Variants in USP7 observed in about 807,000 individuals in gnomAD.
USP7 encodes the protein ubiquitin C-terminal hydrolase 7.
In USP7, 9 loss-of-function variants were observed where a neutral mutation model predicts 162.9. That is an observed-to-expected ratio of 0.06 (90% CI 0.03 to 0.10). The LOEUF (loss-of-function observed/expected upper bound fraction) is 0.10. Among genes scored for constraint, USP7 ranks in the 10% least tolerant of loss-of-function variants. The pLI is 1.00. For synonymous variants in USP7, 562 were observed against 475.9 expected, an observed-to-expected ratio of 1.18 and a Z score of -2.35; for missense variants, 715 against 1,373.7, an observed-to-expected ratio of 0.52 and a Z score of 7.58.
intron 8 of USP7, 119 bp from the exon 9 acceptor site, chr16:8,915,644 C>T: frequency 2.3e-6 from 2 of 883,070 alleles, no homozygotes; most frequent in Non-Finnish European, 3.4e-6. Flanking sequence ...AAAAATATGA[C>T]CTCTGGCATG....
chr16:8,923,533 T>C (rs936662724), intron 2 of USP7, 120 bp from the exon 3 acceptor site: 1 of 1,043,134 alleles, frequency 9.6e-7, no homozygotes, highest in Non-Finnish European at 1.4e-6. Flanking sequence ...CCTAACAGTT[T>C]GAAAAAATTG....
At chr16:8,920,177 G>A (rs1400261848) in intron 5 of USP7, among the ~76,000 whole-genome samples, 182 bp downstream of exon 5, 1 of 152,172 alleles carries the variant, frequency 6.6e-6, no homozygotes, top group African/African-American at 2.4e-5. Context: ...CTAACATATA[G>A]AAACTGCTCA....
intron 1 of USP7, among the ~76,000 whole-genome samples, chr16:8,955,575 G>A (rs780208880): frequency 3.3e-5 from 5 of 151,938 alleles, no homozygotes; most frequent in South Asian, 2.1e-4. Context: ...GCATGGCGGC[G>A]CGCCCCTGTA....
intron 1 of USP7, among the ~76,000 whole-genome samples, chr16:8,958,066 T>C (rs760642091): frequency 3.3e-5 from 5 of 152,134 alleles, no homozygotes; most frequent in Non-Finnish European, 5.9e-5. Flanking sequence ...GAAAAAAGTG[T>C]TTCCTGAATG....
chr16:8,931,392 C>T (rs577845887), intron 1 of USP7, among the ~76,000 whole-genome samples: 12 of 152,194 alleles, frequency 7.9e-5, no homozygotes, highest in East Asian at 5.8e-4. Flanking sequence ...TTCACCATGT[C>T]GGTCAACTGG....
chr16:8,913,639 C>T (rs1406610398), intron 10 of USP7, among the ~76,000 whole-genome samples: 1 of 152,048 alleles, frequency 6.6e-6, no homozygotes, highest in South Asian at 2.1e-4. Context: ...TCTCAGCCGA[C>T]CCGCACTAAA....
At position 8,902,485 on chromosome 16, in the gene USP7, G is replaced by A; in HGVS notation, c.1840-3C>T. ...CGAATTTGATCTTGTGGAAATCCCT[G>A]AAAAAAATATTAAGAGTAGATTAAA... is the stretch of plus-strand genomic sequence containing the variant. On this transcript the variant is annotated splice_region_variant and splice_polypyrimidine_tract_variant and intron_variant, in intron 16 of 30. Coordinates refer to ENST00000344836, the MANE Select transcript of USP7 (RefSeq NM_003470.3). 3 of 1,610,538 alleles carry A rather than the reference G, an allele frequency of 1.9e-6. No homozygotes were observed. Among genetic ancestry groups the A allele is most frequent in the Middle Eastern group, 1.7e-4 (1 of 5,994 alleles).
intron 1 of USP7, among the ~76,000 whole-genome samples, chr16:8,938,042 G>T (rs1238182998): frequency 4.6e-5 from 7 of 152,056 alleles, no homozygotes; most frequent in Non-Finnish European, 1.0e-4. Flanking sequence ...CCAGGGTAAG[G>T]CAGGGCAGAA....
chr16:8,963,684 C>G lies in USP7; in HGVS notation c.-399G>C, dbSNP rs1295507946. 1.4e-5 allele frequency among the ~76,000 whole-genome samples: 2 copies of G among 142,234 alleles called. No homozygotes were observed. The highest frequency in any genetic ancestry group is 4.3e-4 in the East Asian group (2 of 4,668). The allele number at this position is 142,234 out of a possible 152,430, so 93.3% of individuals were successfully genotyped here. Reference sequence around the variant, plus strand: ...CCGGTCGGGGGCCGCGGAGTCAGCCCCGCCTCGGGCCGGGCGCGGCGGACG... The same window carrying G: ...CCGGTCGGGGGCCGCGGAGTCAGCCGCGCCTCGGGCCGGGCGCGGCGGACG... On this transcript the variant is annotated 5_prime_UTR_variant, in exon 1 of 31. Coordinates refer to ENST00000344836, the MANE Select transcript of USP7 (RefSeq NM_003470.3).
intron 1 of USP7, among the ~76,000 whole-genome samples, chr16:8,937,130 A>C (rs911343626): frequency 1.3e-5 from 2 of 152,174 alleles, no homozygotes; most frequent in African/African-American, 4.8e-5. Flanking sequence ...ACCTTACCAC[A>C]CATCAGTAAT....
intron 1 of USP7, among the ~76,000 whole-genome samples, chr16:8,945,266 C>T (rs1431922894): frequency 6.6e-6 from 1 of 151,930 alleles, no homozygotes; most frequent in Non-Finnish European, 1.5e-5. Context: ...CACCTGTAAT[C>T]CCAGCTACTC....
At chr16:8,960,985 T>G (rs1899983972) in intron 1 of USP7, among the ~76,000 whole-genome samples, 1 of 152,184 alleles carries the variant, frequency 6.6e-6, no homozygotes, top group African/African-American at 2.4e-5. Context: ...GAAATGAGTT[T>G]CTTAAGTTTA....
At chr16:8,931,339 C>T (rs1898325006) in intron 1 of USP7, among the ~76,000 whole-genome samples, 1 of 152,152 alleles carries the variant, frequency 6.6e-6, no homozygotes, top group African/African-American at 2.4e-5. Context: ...GAAGCATGTG[C>T]CACCACGCCC....
chr16:8,924,894 A>T (rs2141218710), intron 2 of USP7, among the ~76,000 whole-genome samples: 1 of 152,372 alleles, frequency 6.6e-6, no homozygotes, highest in East Asian at 1.9e-4. Flanking sequence ...GAACTTTGGA[A>T]GGAAGAGCAG....
At chr16:8,895,881 G>C in intron 26 of USP7, 140 bp from the exon 27 acceptor site, 1 of 585,132 alleles carries the variant, frequency 1.7e-6, no homozygotes, top group Non-Finnish European at 2.9e-6. Flanking sequence ...CTGTCGCCCA[G>C]GCTGGAGTGC....
intron 8 of USP7, 107 bp from the exon 9 acceptor site, chr16:8,915,632 A>G: frequency 1.0e-6 from 1 of 1,000,142 alleles, no homozygotes; most frequent in Non-Finnish European, 1.5e-6. Context: ...GTTGTAGACT[A>G]TAAAAATATG....
intron 2 of USP7, chr16:8,929,693 T>G: frequency 5.0e-6 from 2 of 397,586 alleles, no homozygotes. Flanking sequence ...TTGAGGTCAC[T>G]AATTTGATAA....
rs1308103483 is a variant in USP7, at chr16:8,963,771, G to A, written c.-486C>T. ...GGGGCCGGCGGGAGCGGCGGAGCGGGCGGGCGACGGGCCGGCCGCGTTCCG... is the reference window on the plus strand; with the variant it reads ...GGGGCCGGCGGGAGCGGCGGAGCGGACGGGCGACGGGCCGGCCGCGTTCCG... On this transcript the variant is annotated 5_prime_UTR_variant, in exon 1 of 31. Coordinates refer to ENST00000344836, the MANE Select transcript of USP7 (RefSeq NM_003470.3). 1.4e-5 allele frequency among the ~76,000 whole-genome samples: 2 copies of A among 145,574 alleles called. No individual in the cohort carries two copies. The highest frequency in any genetic ancestry group is 2.5e-5 in the African/African-American group (1 of 40,658).
chr16:8,951,493 T>A (rs1027128104), intron 1 of USP7, among the ~76,000 whole-genome samples: 1 of 152,086 alleles, frequency 6.6e-6, no homozygotes, highest in Non-Finnish European at 1.5e-5. Flanking sequence ...GCCAGCCGGA[T>A]TCATGTGATG....
Sources: allele counts gnomAD v4.1 joint callset (sites outside exome capture counted in the v4.1 genomes callset), GRCh38; gene constraint gnomAD v4.1.1; transcripts MANE v1.5; gene names NCBI Gene and HGNC (gene_info 2026-07-23, HGNC 2026-07-21).